B3GALT1: variants seen among roughly 807,000 people sequenced by gnomAD.
The protein encoded by B3GALT1 is UDP-Gal:betaGlcNAc beta 1,3-galactosyltransferase, polypeptide 1.
B3GALT1 carries 10 observed loss-of-function variants against 23.2 expected under a neutral mutation model. That is an observed-to-expected ratio of 0.43 (90% CI 0.27 to 0.73). The LOEUF is 0.73. Ranked by LOEUF, B3GALT1 falls within the 30% of genes least tolerant of loss-of-function variation. B3GALT1 has a pLI of 0.21. For synonymous variants in B3GALT1, 156 were observed against 141.5 expected, an observed-to-expected ratio of 1.10 and a Z score of -0.73; for missense variants, 299 against 405.4, an observed-to-expected ratio of 0.74 and a Z score of 2.25.
At chr2:167,320,951 A>T (rs1424809908) in intron 1 of B3GALT1, among the ~76,000 whole-genome samples, 1 of 152,072 alleles carries the variant, frequency 6.6e-6, no homozygotes, top group Non-Finnish European at 1.5e-5. Flanking sequence ...AAAAAAAAAT[A>T]AAGTCACATC....
intron 3 of B3GALT1, among the ~76,000 whole-genome samples, chr2:167,668,565 A>T (rs1281307019): frequency 6.6e-6 from 1 of 152,044 alleles, no homozygotes; most frequent in Admixed American, 6.6e-5. Flanking sequence ...GCCGCCTTGC[A>T]GTTTGATCTC....
intron 1 of B3GALT1, among the ~76,000 whole-genome samples, chr2:167,356,296 A>C (rs1333120663): frequency 6.6e-6 from 1 of 152,196 alleles, no homozygotes; most frequent in Non-Finnish European, 1.5e-5. Context: ...AATAGATCCT[A>C]AATACATATA....
intron 3 of B3GALT1, among the ~76,000 whole-genome samples, chr2:167,765,086 G>A (rs935451097): frequency 2.6e-5 from 4 of 152,126 alleles, no homozygotes; most frequent in Non-Finnish European, 4.4e-5. Flanking sequence ...CAGTTCTAAG[G>A]TCACTATTTT....
chr2:167,406,298 C>T (rs1326189237), intron 1 of B3GALT1, among the ~76,000 whole-genome samples: 3 of 152,066 alleles, frequency 2.0e-5, no homozygotes, highest in Non-Finnish European at 2.9e-5. Context: ...TCCAAAATGG[C>T]AGTATAGAAG....
At chr2:167,576,789 A>G (rs1465816511) in intron 2 of B3GALT1, among the ~76,000 whole-genome samples, 1 of 151,602 alleles carries the variant, frequency 6.6e-6, no homozygotes, top group Non-Finnish European at 1.5e-5. Context: ...AACTCTGCCT[A>G]TTCACTATTA....
chr2:167,715,486 G>A, intron 3 of B3GALT1: 8 of 1,608,602 alleles, frequency 5.0e-6, no homozygotes, highest in Non-Finnish European at 4.3e-6. Context: ...GAATCTTGCA[G>A]ATGATTTTGG....
At chr2:167,690,206 T>G (rs948269179) in intron 3 of B3GALT1, among the ~76,000 whole-genome samples, 4 of 151,866 alleles carry the variant, frequency 2.6e-5, no homozygotes, top group Admixed American at 1.3e-4. Context: ...ATTTATGATT[T>G]AAAAAAATCA....
chr2:167,779,571 T>A (rs1688214372), intron 3 of B3GALT1, among the ~76,000 whole-genome samples: 1 of 152,232 alleles, frequency 6.6e-6, no homozygotes, highest in African/African-American at 2.4e-5. Flanking sequence ...TATTTATTGA[T>A]CATAGCTACT....
At chr2:167,859,113 T>C (rs1390381981) in intron 4 of B3GALT1, among the ~76,000 whole-genome samples, 2 of 152,128 alleles carry the variant, frequency 1.3e-5, no homozygotes, top group African/African-American at 4.8e-5. Flanking sequence ...TCTTTCACAT[T>C]TCTAATAAAA....
intron 1 of B3GALT1, among the ~76,000 whole-genome samples, chr2:167,324,467 A>G (rs1204667492): frequency 6.6e-6 from 1 of 152,070 alleles, no homozygotes; most frequent in Non-Finnish European, 1.5e-5. Flanking sequence ...GATTGTCCAC[A>G]TGGCAACAAA....
intron 1 of B3GALT1, among the ~76,000 whole-genome samples, chr2:167,312,585 A>C (rs1431157360): frequency 6.6e-6 from 1 of 152,128 alleles, no homozygotes; most frequent in South Asian, 2.1e-4. Context: ...AAGATGGTGA[A>C]GTCACATCAT....
chr2:167,399,896 A>G (rs923925896), intron 1 of B3GALT1, among the ~76,000 whole-genome samples: 6 of 152,130 alleles, frequency 3.9e-5, no homozygotes, highest in African/African-American at 1.4e-4. Flanking sequence ...GGAATTAAAG[A>G]CTAAAAAAGT....
At chr2:167,539,677 ACT>A (rs1312140784) in intron 2 of B3GALT1, among the ~76,000 whole-genome samples, 2 of 152,072 alleles carry the variant, frequency 1.3e-5, no homozygotes, top group East Asian at 1.9e-4. Context: ...TTCTCATATA[ACT>A]CTGTTTTAGT....
intron 2 of B3GALT1, among the ~76,000 whole-genome samples, chr2:167,532,309 G>T (rs1472158875): frequency 1.3e-5 from 2 of 152,090 alleles, no homozygotes. Flanking sequence ...GCATAATAAA[G>T]AAATGTTCAA....
chr2:167,635,950 A>T (rs1226905), intron 2 of B3GALT1, among the ~76,000 whole-genome samples: 2 of 151,986 alleles, frequency 1.3e-5, no homozygotes, highest in Non-Finnish European at 2.9e-5. Flanking sequence ...CTATACTACA[A>T]GGCTACAGCA....
intron 3 of B3GALT1, among the ~76,000 whole-genome samples, chr2:167,791,458 A>G (rs1688437125): frequency 6.6e-6 from 1 of 152,232 alleles, no homozygotes; most frequent in East Asian, 1.9e-4. Flanking sequence ...AAGTGCTTGT[A>G]TAAATCCATG....
chr2:167,626,893 G>A (rs997028609), intron 2 of B3GALT1, among the ~76,000 whole-genome samples: 1 of 151,522 alleles, frequency 6.6e-6, no homozygotes, highest in Non-Finnish European at 1.5e-5. Flanking sequence ...AGTGGAAATG[G>A]GTACAAAGTC....
intron 2 of B3GALT1, among the ~76,000 whole-genome samples, chr2:167,510,976 T>C (rs540902452): frequency 1.3e-5 from 2 of 152,206 alleles, no homozygotes; most frequent in African/African-American, 4.8e-5. Context: ...AATAGCAATA[T>C]TAGAATCAAT....
At chr2:167,737,030 T>A (rs1316591493) in intron 3 of B3GALT1, among the ~76,000 whole-genome samples, 2 of 152,120 alleles carry the variant, frequency 1.3e-5, no homozygotes, top group Non-Finnish European at 2.9e-5. Flanking sequence ...TTTCCTTTGT[T>A]AAAAGTAGGC....
Sources: gnomAD v4.1 joint callset for allele counts (sites outside exome capture counted in the v4.1 genomes callset) on GRCh38, gnomAD v4.1.1 for gene constraint, MANE v1.5 for transcripts, NCBI Gene and HGNC (gene_info 2026-07-23, HGNC 2026-07-21) for gene names.